AGBL4: variants seen among roughly 807,000 people sequenced by gnomAD.
The protein encoded by AGBL4 is AGBL carboxypeptidase 4.
Under a neutral mutation model 66.4 loss-of-function variants are expected in AGBL4, and 58 were observed. The observed-to-expected ratio is 0.87, with a 90% CI of 0.71 to 1.09. AGBL4 has a LOEUF of 1.09. Ranked by LOEUF, AGBL4 falls within the 50% of genes least tolerant of loss-of-function variation. The pLI is 0.00. For missense variants in AGBL4, 579 were observed against 631.0 expected (o/e 0.92, Z 0.88); for synonymous variants, 234 against 222.9 (o/e 1.05, Z -0.44).
At chr1:49,616,065 C>A (rs1348126693) in intron 3 of AGBL4, among the ~76,000 whole-genome samples, 1 of 152,084 alleles carries the variant, frequency 6.6e-6, no homozygotes, top group Non-Finnish European at 1.5e-5. Context: ...TGCTCTTTCT[C>A]GAGGAGAAAA....
intron 4 of AGBL4, among the ~76,000 whole-genome samples, chr1:49,055,580 C>T (rs1021261135): frequency 7.9e-5 from 12 of 151,882 alleles, no homozygotes; most frequent in Admixed American, 5.9e-4. Flanking sequence ...GCAATGTCAT[C>T]AAGAACTAAA....
chr1:49,602,735 C>G (rs865979554), intron 3 of AGBL4, among the ~76,000 whole-genome samples: 43 of 151,324 alleles, frequency 2.8e-4, no homozygotes, highest in Middle Eastern at 6.8e-3. Context: ...AGGAGAAATA[C>G]CTAATATAAA....
intron 2 of AGBL4, among the ~76,000 whole-genome samples, chr1:49,801,050 T>C (rs568116085): frequency 1.3e-5 from 2 of 152,116 alleles, no homozygotes; most frequent in East Asian, 1.9e-4. Flanking sequence ...TTTTTAATGA[T>C]TGCCATTCTA....
At chr1:49,947,510 T>C (rs1175300348) in intron 1 of AGBL4, among the ~76,000 whole-genome samples, 2 of 151,550 alleles carry the variant, frequency 1.3e-5, no homozygotes, top group East Asian at 3.9e-4. Context: ...TGATTAAAAC[T>C]CGCAGCAAAA....
At chr1:49,573,552 C>G (rs1644376743) in intron 3 of AGBL4, among the ~76,000 whole-genome samples, 1 of 152,042 alleles carries the variant, frequency 6.6e-6, no homozygotes, top group African/African-American at 2.4e-5. Flanking sequence ...TTTCAGTGAA[C>G]AAAGTAATGA....
At chr1:49,966,066 C>A (rs1657537243) in intron 1 of AGBL4, among the ~76,000 whole-genome samples, 1 of 151,766 alleles carries the variant, frequency 6.6e-6, no homozygotes, top group Admixed American at 6.6e-5. Context: ...CTCAGCCTAC[C>A]AAGTAGCTGG....
chr1:49,314,184 G>C (rs1644994968), intron 3 of AGBL4, among the ~76,000 whole-genome samples: 1 of 151,930 alleles, frequency 6.6e-6, no homozygotes, highest in African/African-American at 2.4e-5. Flanking sequence ...TTGTAGATGT[G>C]TGGCGTTATT....
chr1:49,100,151 G>T lies in AGBL4; in HGVS notation c.378-54351C>A, dbSNP rs145330186. Among the ~76,000 whole-genome samples, 239 of 152,290 alleles carry T rather than the reference G, an allele frequency of 1.6e-3. 4 individuals are homozygous for T. Among genetic ancestry groups the T allele is most frequent in the African/African-American group, 5.6e-3 (232 of 41,550 alleles). ...TTCAAACCTGCTGAAGGAGGAGAAA[G>T]AAGTAGGAGTTGATGAAGGAAAAAG... On this transcript the variant is annotated intron_variant, in intron 4 of 13. Transcript: ENST00000371839.
chr1:49,213,005 T>G (rs1648792452), intron 4 of AGBL4, among the ~76,000 whole-genome samples: 1 of 152,164 alleles, frequency 6.6e-6, no homozygotes, highest in Non-Finnish European at 1.5e-5. Context: ...TTCCACATAC[T>G]GAATTTATCA....
chr1:49,436,439 G>C (rs1211371135), intron 3 of AGBL4, among the ~76,000 whole-genome samples: 1 of 152,152 alleles, frequency 6.6e-6, no homozygotes, highest in Non-Finnish European at 1.5e-5. Context: ...AATAAGAAGA[G>C]AAAATTTCTG....
chr1:48,771,316 A>G (rs67474787), intron 6 of AGBL4, among the ~76,000 whole-genome samples: 27,706 of 152,202 alleles, frequency 0.18, 3,176 homozygotes, highest in East Asian at 0.39. Flanking sequence ...AAAGACCCCA[A>G]TCTGAATTCT....
intron 6 of AGBL4, 63 bp from the exon 7 acceptor site, chr1:48,663,304 T>A: frequency 6.5e-7 from 1 of 1,536,310 alleles, no homozygotes; most frequent in East Asian, 2.2e-5. Context: ...TAGTGGTTGG[T>A]GTGTGGCAGG....
At chr1:49,166,404 C>G (rs1646635094) in intron 4 of AGBL4, among the ~76,000 whole-genome samples, 1 of 152,144 alleles carries the variant, frequency 6.6e-6, no homozygotes, top group Non-Finnish European at 1.5e-5. Flanking sequence ...AAATCATGCA[C>G]TCCAAAGTCT....
At chr1:49,116,270 G>A (rs1277946640) in intron 4 of AGBL4, among the ~76,000 whole-genome samples, 4 of 152,138 alleles carry the variant, frequency 2.6e-5, no homozygotes, top group African/African-American at 9.7e-5. Context: ...TGCACAACGT[G>A]CAGGTTTGTT....
chr1:48,891,028 T>A (rs1203934744), intron 5 of AGBL4, among the ~76,000 whole-genome samples: 1 of 152,142 alleles, frequency 6.6e-6, no homozygotes, highest in Non-Finnish European at 1.5e-5. Context: ...TGGCAGAGAC[T>A]CAATTTACTG....
At chr1:48,543,740 G>A (rs908853406) in intron 11 of AGBL4, among the ~76,000 whole-genome samples, 1 of 152,196 alleles carries the variant, frequency 6.6e-6, no homozygotes, top group Admixed American at 6.5e-5. Flanking sequence ...CCCCAAGCTG[G>A]GGTTGGACAT....
intron 3 of AGBL4, among the ~76,000 whole-genome samples, chr1:49,400,537 G>A (rs1436024015): frequency 6.6e-6 from 1 of 151,024 alleles, no homozygotes; most frequent in Admixed American, 6.6e-5. Context: ...TCCATTTTAG[G>A]GGTCTTCTTC....
At chr1:49,905,421 T>C (rs1053805380) in intron 1 of AGBL4, among the ~76,000 whole-genome samples, 1 of 152,206 alleles carries the variant, frequency 6.6e-6, no homozygotes, top group Non-Finnish European at 1.5e-5. Flanking sequence ...AAAACCCTTC[T>C]GTGTTCACAA....
chr1:49,258,012 C>A (rs1253436679), intron 3 of AGBL4, among the ~76,000 whole-genome samples: 2 of 152,166 alleles, frequency 1.3e-5, no homozygotes, highest in African/African-American at 4.8e-5. Flanking sequence ...CATGAAAATC[C>A]ACGGTTCTGC....
Sources: allele counts gnomAD v4.1 joint callset (sites outside exome capture counted in the v4.1 genomes callset), GRCh38; gene constraint gnomAD v4.1.1; transcripts MANE v1.5; gene names NCBI Gene and HGNC (gene_info 2026-07-23, HGNC 2026-07-21).